Variants in SYNE4 observed in about 807,000 individuals in gnomAD.
SYNE4 encodes the protein spectrin repeat containing nuclear envelope family member 4.
In SYNE4, 41 loss-of-function variants were observed where a neutral mutation model predicts 46.9. The ratio of observed to expected loss-of-function variants is 0.87; its 90% CI spans 0.68 to 1.13. The LOEUF is 1.13. SYNE4 is among the 50% of genes most tolerant of loss of function. The pLI, the probability that SYNE4 is intolerant of heterozygous loss-of-function variation, is 0.00. For synonymous variants in SYNE4, 221 were observed against 219.5 expected (o/e 1.01, Z -0.06); for missense variants, 492 against 514.8 (o/e 0.96, Z 0.43).
intron 6 of SYNE4, among the ~76,000 whole-genome samples, chr19:36,005,023 A>C (rs1022825560): frequency 6.6e-6 from 1 of 151,024 alleles, no homozygotes; most frequent in Non-Finnish European, 1.5e-5. Context: ...ATGCGCCACC[A>C]CACCTGGCTA....
Position 36,007,135 on chromosome 19 carries a change from A to G in SYNE4, c.413T>C (p.Val138Ala), listed in dbSNP as rs1430760069. The G allele has an allele frequency of 6.3e-6, 10 of 1,598,520 alleles. No individual in the cohort carries two copies. In the African/African-American group the frequency reaches 1.3e-4, roughly 21 times the overall value. ...GHWALAQSGM[V>A]QLQALQVDLR... ...GCCTCTCCTGCCTACCTGCAGCTGC[A>G]CCATCCCACTCTGGGCCAATGCCCA... Residue 138 changes from valine (V) to alanine (A), a missense_variant, in exon 3 of 8, where the codon GTG (valine) becomes GCG (alanine). Physicochemically the swap from Val to Ala is moderately conservative, Grantham distance 64. Coordinates refer to ENST00000324444, the MANE Select transcript of SYNE4 (RefSeq NM_001039876.3).
intron 5 of SYNE4, 92 bp downstream of exon 5, chr19:36,006,331 A>G: frequency 3.4e-6 from 5 of 1,469,758 alleles, no homozygotes; most frequent in South Asian, 2.9e-5. Context: ...AGCCACTGAC[A>G]CCTCCTTGGA....
rs1428937632 is a variant in SYNE4 at position 36,006,765 on chromosome 19, C to T, written c.603G>A (p.Leu201=). The T allele has an allele frequency of 1.2e-6, 2 of 1,610,372 alleles. No homozygotes were observed. Among genetic ancestry groups the T allele is most frequent in the East Asian group, 4.5e-5 (2 of 44,828 alleles). Residue 201 remains leucine (L), a synonymous_variant, in exon 4 of 8, where the codon CTG becomes CTA. Transcript: ENST00000324444. ...FRRLWQLQAQ[L]VSYSLVFEEA... is the part of the protein sequence containing the mutation. ...TGGGCCCTACCAGGCTGTAGCTGACCAGCTGGGCCTGCAGCTGCCAGAGCC... is the reference window on the plus strand; with the variant it reads ...TGGGCCCTACCAGGCTGTAGCTGACTAGCTGGGCCTGCAGCTGCCAGAGCC...
At chr19:36,004,427 A>T (rs1270327620) in intron 6 of SYNE4, among the ~76,000 whole-genome samples, 2 of 152,200 alleles carry the variant, frequency 1.3e-5, no homozygotes, top group Non-Finnish European at 2.9e-5. Flanking sequence ...GACCCCACAC[A>T]GACTTGGAAT....
Position 36,007,282 on chromosome 19 carries a change from G to A in SYNE4, c.280-14C>T. The A allele has an allele frequency of 1.9e-6, 3 of 1,591,968 alleles. No individual in the cohort carries two copies. The highest frequency in any genetic ancestry group is 2.6e-6 in the Non-Finnish European group (3 of 1,168,504). On this transcript the variant is annotated splice_polypyrimidine_tract_variant and intron_variant, in intron 2 of 7. Coordinates refer to ENST00000324444, the MANE Select transcript of SYNE4 (RefSeq NM_001039876.3). ...AGAAATGGGGTGCTGGGGAACACAGGAGCCAGGTCAGGGCCAGTGGGCCAA... is the reference window on the plus strand; with the variant it reads ...AGAAATGGGGTGCTGGGGAACACAGAAGCCAGGTCAGGGCCAGTGGGCCAA...
At chr19:36,007,096 A>G (rs762326720) in intron 3 of SYNE4, 29 bp downstream of exon 3, 246 of 1,586,922 alleles carry the variant, frequency 1.6e-4, no homozygotes, top group Non-Finnish European at 1.9e-4. Context: ...GGCCGTGCCC[A>G]CCCCCACATC....
At position 36,005,414 on chromosome 19, in the gene SYNE4, T is replaced by C. The variant is rs1225394390; in HGVS notation, c.891A>G (p.Arg297=). 6.2e-7 allele frequency: 1 copy of C among 1,613,906 alleles called. No individual in the cohort carries two copies. The highest frequency in any genetic ancestry group is 8.5e-7 in the Non-Finnish European group (1 of 1,179,930). ...CGAGGCCAGACTCCAGCATGTCCTG[T>C]CGGGAGTGAGAGGTGTCTGCTTCCT... ...GLEEADTSHS[R]QDMLESGLGH... The change falls in exon 6 of 8, where the codon CGA becomes CGG. Residue 297 remains arginine (R), a synonymous_variant. Transcript: ENST00000324444.
intron 5 of SYNE4, chr19:36,005,754 T>C (rs148939092): frequency 3.9e-4 from 95 of 245,774 alleles, no homozygotes; most frequent in African/African-American, 1.9e-3. Context: ...TACAGTGGCT[T>C]ATGCCTGTAA....
Position 36,003,492 on chromosome 19 carries a change from G to A in SYNE4, c.1060C>T (p.Leu354=), listed in dbSNP as rs1429867607. Residue 354 remains leucine (L), a synonymous_variant, in exon 8 of 8, where the codon CTG becomes TTG. Transcript: ENST00000324444. Reference sequence around the variant, plus strand: ...AGGAAGAGGATAAGGAGGAAGGTCAGAGGCTGCCTGGATGCAGGATCGGGG... The same window carrying A: ...AGGAAGAGGATAAGGAGGAAGGTCAAAGGCTGCCTGGATGCAGGATCGGGG... ...GAPDPASRQP[L]TFLLILFLLF... 1.2e-6 allele frequency: 2 copies of A among 1,605,282 alleles called. No individual in the cohort carries two copies. Among genetic ancestry groups the A allele is most frequent in the South Asian group, 2.2e-5 (2 of 89,984 alleles).
Position 36,006,411 on chromosome 19 carries a change from G to A in SYNE4, c.867+12C>T, listed in dbSNP as rs772589862. On this transcript the variant is annotated intron_variant, in intron 5 of 7. Transcript: ENST00000324444. ...GCCTGGCAGAAGGTCCCTCAAGGGG[G>A]TCTGCTCTCACCTCAAGGCCTTGTC... The A allele has an allele frequency of 6.3e-7, 1 of 1,598,044 alleles. No homozygotes were observed. The highest frequency in any genetic ancestry group is 2.2e-5 in the East Asian group (1 of 44,628).
chr19:36,004,705 T>C (rs964865999), intron 6 of SYNE4, among the ~76,000 whole-genome samples: 1 of 152,074 alleles, frequency 6.6e-6, no homozygotes, highest in African/African-American at 2.4e-5. Context: ...CTTTGGCAGC[T>C]GTCAGTAGGG....
chr19:36,006,300 CAGAGAT>C (rs1171654976), intron 5 of SYNE4, 117 bp downstream of exon 5: 1 of 1,284,672 alleles, frequency 7.8e-7, no homozygotes, highest in East Asian at 2.5e-5. Context: ...CACCGAGAGA[CAGAGAT>C]AGAGGGGGAG....
chr19:36,006,332 C>A, intron 5 of SYNE4, 91 bp downstream of exon 5: 2 of 1,472,760 alleles, frequency 1.4e-6, no homozygotes, highest in Admixed American at 4.7e-5. Flanking sequence ...GCCACTGACA[C>A]CTCCTTGGAA....
At position 36,008,306 on chromosome 19, in the gene SYNE4, C is replaced by A; in HGVS notation, c.190G>T (p.Gly64Trp). The A allele has an allele frequency of 1.3e-6, 2 of 1,589,204 alleles. No homozygotes were observed. Among genetic ancestry groups the A allele is most frequent in the South Asian group, 2.3e-5 (2 of 86,670 alleles). ...GCGGCAGGCTCATTGCCCCTTGGCC[C>A]ACCCTGGAAGTGCTCAGGAGGGCCC... ...SLGPPEHFQG[G>W]PRGNEPAAHP... Residue 64 changes from glycine (G) to tryptophan (W), a missense_variant, in exon 2 of 8, where the codon GGG becomes TGG. Transcript: ENST00000324444.
intron 5 of SYNE4, 74 bp from the exon 6 acceptor site, chr19:36,005,511 G>A (rs531154290): frequency 4.2e-5 from 59 of 1,397,304 alleles, no homozygotes; most frequent in Non-Finnish European, 5.3e-5. Flanking sequence ...ATGAGATTCT[G>A]GGGGAGCAGA....
Position 36,008,712 on chromosome 19 carries a change from G to A in SYNE4, c.-31C>T. 6.3e-7 allele frequency: 1 copy of A among 1,589,246 alleles called. No homozygotes were observed. Among genetic ancestry groups the A allele is most frequent in the Non-Finnish European group, 8.6e-7 (1 of 1,168,604 alleles). On this transcript the variant is annotated 5_prime_UTR_variant, in exon 1 of 8. Transcript: ENST00000324444. ...GGGGCCTGGGGACACAAAGTCAGGT[G>A]AGGGCAGCCAGTAAGACCTCTTCCC...
rs2145338115 is a variant in SYNE4 at position 36,003,365 on chromosome 19, C to T, written c.1187G>A (p.Ser396Asn). 2 of 1,614,094 alleles carry T rather than the reference C, an allele frequency of 1.2e-6. No homozygotes were observed. The highest frequency in any genetic ancestry group is 1.7e-6 in the Non-Finnish European group (2 of 1,180,020). The change falls in exon 8 of 8, where the codon AGC becomes AAC. Residue 396 changes from serine to asparagine, a missense_variant. By Grantham distance (46) the Ser-to-Asn change is conservative. Transcript: ENST00000324444. ...GACTGGGGGAAGACCATTGACATAG[C>T]TGAGCACCAGGTAGGGTGTCCTGGG... ...RIPRTPYLVL[S>N]YVNGLPPV
intron 5 of SYNE4, 152 bp downstream of exon 5, chr19:36,006,271 A>G (rs1417909002): frequency 2.8e-6 from 3 of 1,062,328 alleles, no homozygotes; most frequent in Non-Finnish European, 3.9e-6. Context: ...AGAGAGAGAA[A>G]CAGTGAGATA....
chr19:36,008,401 C>T (rs1357810882), intron 1 of SYNE4, 34 bp from the exon 2 acceptor site: 6 of 1,562,476 alleles, frequency 3.8e-6, no homozygotes, highest in Non-Finnish European at 5.2e-6. Context: ...GGGTGAGTCT[C>T]GACACCTCAC....
Sources: allele counts gnomAD v4.1 joint callset (sites outside exome capture counted in the v4.1 genomes callset), GRCh38; gene constraint gnomAD v4.1.1; transcripts MANE v1.5; gene names NCBI Gene and HGNC (gene_info 2026-07-23, HGNC 2026-07-21).